PRKCH: variants seen among roughly 807,000 people sequenced by gnomAD.
PRKCH encodes the protein protein kinase C eta type.
Under a neutral mutation model 82.5 loss-of-function variants are expected in PRKCH, and 28 were observed. The observed-to-expected ratio is 0.34, with a 90% CI of 0.25 to 0.47. PRKCH has a LOEUF of 0.47. PRKCH is among the 20% of genes least tolerant of loss of function. The pLI is 1.00. For missense variants in PRKCH, 705 were observed against 881.8 expected (o/e 0.80, Z 2.54); for synonymous variants, 322 against 327.4 (o/e 0.98, Z 0.18).
intron 10 of PRKCH, among the ~76,000 whole-genome samples, chr14:61,518,140 C>A (rs1353006919): frequency 6.6e-6 from 1 of 152,194 alleles, no homozygotes; most frequent in Non-Finnish European, 1.5e-5. Context: ...CCAGTCTGTG[C>A]TATCAGAGCA....
chr14:61,427,032 A>G (rs1227026704), intron 2 of PRKCH, among the ~76,000 whole-genome samples: 1 of 152,214 alleles, frequency 6.6e-6, no homozygotes, highest in Admixed American at 6.5e-5. Context: ...TCCTGAGAAC[A>G]TGTGCCCAGG....
chr14:61,417,192 C>G (rs1214470423), intron 2 of PRKCH, among the ~76,000 whole-genome samples: 1 of 152,132 alleles, frequency 6.6e-6, no homozygotes, highest in Non-Finnish European at 1.5e-5. Flanking sequence ...TCATTATTTC[C>G]AGAGGCGAGA....
At chr14:61,207,684 T>C (rs2044538458) in intron 1 of PRKCH, among the ~76,000 whole-genome samples, 1 of 152,214 alleles carries the variant, frequency 6.6e-6, no homozygotes, top group Non-Finnish European at 1.5e-5. Context: ...TTCTTTATAA[T>C]ATTACTTTAT....
intron 10 of PRKCH, among the ~76,000 whole-genome samples, chr14:61,494,455 T>A (rs12437374): frequency 0.12 from 18,215 of 152,284 alleles, 1,162 homozygotes; most frequent in Admixed American, 0.18. Flanking sequence ...ACTGAAAGAA[T>A]GCTGGACATG....
At chr14:61,238,310 G>A (rs1216015133) in intron 1 of PRKCH, among the ~76,000 whole-genome samples, 1 of 152,160 alleles carries the variant, frequency 6.6e-6, no homozygotes, top group Non-Finnish European at 1.5e-5. Context: ...AGGCCTTTGG[G>A]TCCCTGACAG....
chr14:61,528,220 G>T (rs1464652637), intron 10 of PRKCH, among the ~76,000 whole-genome samples: 1 of 149,140 alleles, frequency 6.7e-6, no homozygotes, highest in East Asian at 2.0e-4. Flanking sequence ...TAGAGACAGG[G>T]TCTCACCCTG....
chr14:61,227,421 G>A (rs529666166), intron 1 of PRKCH, among the ~76,000 whole-genome samples: 51 of 152,180 alleles, frequency 3.4e-4, no homozygotes, highest in African/African-American at 1.0e-3. Flanking sequence ...GTGAAACCCC[G>A]TCTCTACTAA....
intron 1 of PRKCH, among the ~76,000 whole-genome samples, chr14:61,287,253 G>C (rs1362718479): frequency 2.7e-5 from 4 of 150,230 alleles, no homozygotes; most frequent in Non-Finnish European, 5.9e-5. Flanking sequence ...AGCAAGGATA[G>C]GGCTGGACTT....
At chr14:61,246,769 A>G (rs2044887593) in intron 1 of PRKCH, among the ~76,000 whole-genome samples, 1 of 152,046 alleles carries the variant, frequency 6.6e-6, no homozygotes, top group South Asian at 2.1e-4. Context: ...TATTATTTTT[A>G]TAGAGACAGA....
chr14:61,422,480 C>T (rs1882887180), intron 2 of PRKCH, among the ~76,000 whole-genome samples: 1 of 152,186 alleles, frequency 6.6e-6, no homozygotes, highest in Non-Finnish European at 1.5e-5. Flanking sequence ...CATTCTCCCT[C>T]TAGTACTTTC....
At chr14:61,410,958 T>A (rs1438991386) in intron 2 of PRKCH, among the ~76,000 whole-genome samples, 1 of 152,292 alleles carries the variant, frequency 6.6e-6, no homozygotes, top group East Asian at 1.9e-4. Flanking sequence ...ATGAGGGTGA[T>A]TGCAAAGGGA....
chr14:61,188,983 G>C (rs577349119), intron 1 of PRKCH, among the ~76,000 whole-genome samples: 14 of 151,606 alleles, frequency 9.2e-5, no homozygotes, highest in African/African-American at 3.1e-4. Flanking sequence ...GGCTCCCAAA[G>C]TGCTGAGATT....
intron 9 of PRKCH, among the ~76,000 whole-genome samples, chr14:61,483,781 C>T (rs1393920773): frequency 6.6e-6 from 1 of 152,194 alleles, no homozygotes; most frequent in African/African-American, 2.4e-5. Context: ...GGTGTGGTAG[C>T]TCATGCCTGT....
At chr14:61,385,552 G>C (rs942732970) in intron 1 of PRKCH, among the ~76,000 whole-genome samples, 1 of 152,170 alleles carries the variant, frequency 6.6e-6, no homozygotes, top group Non-Finnish European at 1.5e-5. Context: ...CATTGGTAAA[G>C]GGCACTGTCA....
At chr14:61,228,151 T>C (rs1311349524) in intron 1 of PRKCH, among the ~76,000 whole-genome samples, 1 of 152,188 alleles carries the variant, frequency 6.6e-6, no homozygotes, top group Non-Finnish European at 1.5e-5. Context: ...GCTAGGATCA[T>C]GTCCACCCTG....
intron 2 of PRKCH, among the ~76,000 whole-genome samples, chr14:61,436,332 T>C (rs1392893508): frequency 1.3e-4 from 20 of 152,182 alleles, no homozygotes; most frequent in Admixed American, 1.3e-3. Flanking sequence ...CTGAGATTCC[T>C]CAGAGGGAAC....
At position 61,533,593 on chromosome 14, in the gene PRKCH, C is replaced by CCTTG. The variant is rs537554015; in HGVS notation, c.1761+2998_1761+2999insCTTG. 3.3e-5 allele frequency among the ~76,000 whole-genome samples: 5 copies of CCTTG among 152,344 alleles called. No homozygotes were observed. In the South Asian group the frequency reaches 1.0e-3, roughly 32 times the overall value. ...AGATCTTGGCTCTTTGACTAATAGG[C>CCTTG]TGTGTGACCTTGGGCAAATGGCATA... On this transcript the variant is annotated intron_variant, in intron 12 of 13. Transcript: ENST00000332981.
At chr14:61,376,926 C>G (rs2046434821) in intron 1 of PRKCH, among the ~76,000 whole-genome samples, 1 of 152,216 alleles carries the variant, frequency 6.6e-6, no homozygotes, top group South Asian at 2.1e-4. Flanking sequence ...CCACATCTGT[C>G]TCTTTCCCCA....
intron 1 of PRKCH, among the ~76,000 whole-genome samples, chr14:61,195,526 A>G (rs75434026): frequency 8.5e-5 from 13 of 152,358 alleles, no homozygotes; most frequent in Middle Eastern, 3.4e-3. Context: ...GGCATATACT[A>G]TTGGAGAAGA....
Sources: gnomAD v4.1 joint callset for allele counts (sites outside exome capture counted in the v4.1 genomes callset) on GRCh38, gnomAD v4.1.1 for gene constraint, MANE v1.5 for transcripts, NCBI Gene and HGNC (gene_info 2026-07-23, HGNC 2026-07-21) for gene names.